The following WWOX variants were observed in gnomAD, a reference collection of about 807,000 sequenced individuals.
WWOX encodes WW domain containing oxidoreductase, also known as WW domain-containing oxidoreductase.
A neutral mutation model predicts 46.2 loss-of-function variants in WWOX; 69 were observed. The ratio of observed to expected loss-of-function variants is 1.49; its 90% CI spans 1.23 to 1.82. The LOEUF (loss-of-function observed/expected upper bound fraction) is 1.82, where lower values mean the gene tolerates loss of function less well. WWOX is among the 40% of genes most tolerant of loss of function. WWOX has a pLI of 0.00. For missense variants in WWOX, 919 were observed against 542.6 expected (o/e 1.69, Z -6.89); for synonymous variants, 359 against 202.6 (o/e 1.77, Z -6.56).
chr16:78,772,746 C>T lies in WWOX; in HGVS notation c.1056+339994C>T, dbSNP rs148603684. Among the ~76,000 whole-genome samples, 172 of 152,194 alleles carry T rather than the reference C, an allele frequency of 1.1e-3. 1 individual carries two copies. The East Asian group carries it at 0.028, about 25-fold the overall frequency. On this transcript the variant is annotated intron_variant, in intron 8 of 8. Coordinates refer to ENST00000566780, the MANE Select transcript of WWOX (RefSeq NM_016373.4). ...AGAACCTAGGTAAGTTGGCTAGGCG[C>T]GGTGGCTCACACCTGTAATCTCAGC...
At chr16:78,711,181 T>A (rs1226734954) in intron 8 of WWOX, among the ~76,000 whole-genome samples, 2 of 152,168 alleles carry the variant, frequency 1.3e-5, no homozygotes, top group East Asian at 3.9e-4. Context: ...GGCCTTTGTA[T>A]AATAGGGAAG....
At chr16:78,554,517 A>G (rs2044244116) in intron 8 of WWOX, among the ~76,000 whole-genome samples, 1 of 152,200 alleles carries the variant, frequency 6.6e-6, no homozygotes, top group Admixed American at 6.5e-5. Context: ...ATATATGCAC[A>G]GTAATAGATA....
intron 8 of WWOX, among the ~76,000 whole-genome samples, chr16:79,113,121 GT>G (rs374113301): frequency 2.4e-3 from 365 of 152,310 alleles, no homozygotes; most frequent in South Asian, 9.3e-3. Flanking sequence ...AAACATATGT[GT>G]GTGTAATTAC....
At chr16:78,699,906 G>A (rs893278200) in intron 8 of WWOX, among the ~76,000 whole-genome samples, 2 of 152,034 alleles carry the variant, frequency 1.3e-5, no homozygotes, top group Non-Finnish European at 2.9e-5. Context: ...GCATTGTCCC[G>A]TCCCTATGAG....
intron 3 of WWOX, among the ~76,000 whole-genome samples, chr16:78,111,362 A>G (rs2032479683): frequency 6.6e-6 from 1 of 152,194 alleles, no homozygotes; most frequent in Non-Finnish European, 1.5e-5. Flanking sequence ...TTAGCTTTTA[A>G]TATTACTCTT....
chr16:78,948,181 C>A (rs1423684986), intron 8 of WWOX, among the ~76,000 whole-genome samples: 1 of 152,154 alleles, frequency 6.6e-6, no homozygotes. Flanking sequence ...CGTGGTTTGT[C>A]AGGACATTTA....
chr16:78,674,121 T>G (rs1567480844), intron 8 of WWOX, among the ~76,000 whole-genome samples: 2 of 152,230 alleles, frequency 1.3e-5, no homozygotes, highest in East Asian at 3.9e-4. Context: ...ATAATTGAAA[T>G]ATTTGGAAAT....
intron 8 of WWOX, among the ~76,000 whole-genome samples, chr16:78,724,954 G>A (rs906284734): frequency 1.5e-4 from 23 of 152,132 alleles, no homozygotes; most frequent in African/African-American, 4.6e-4. Context: ...TTTTACAGGT[G>A]CTTGTTGCAT....
intron 8 of WWOX, among the ~76,000 whole-genome samples, chr16:78,917,605 C>G (rs942425154): frequency 6.6e-6 from 1 of 152,118 alleles, no homozygotes; most frequent in Non-Finnish European, 1.5e-5. Flanking sequence ...TCTTTTGCAG[C>G]TGCAGCCCTT....
chr16:78,758,509 C>A (rs1025556700), intron 8 of WWOX, among the ~76,000 whole-genome samples: 5 of 152,202 alleles, frequency 3.3e-5, no homozygotes, highest in East Asian at 1.9e-4. Flanking sequence ...AAGTGTGTTT[C>A]CCTTTGTAAT....
At position 78,295,713 on chromosome 16, in the gene WWOX, A is replaced by AAAACAAACAAAC. The variant is rs34994613; in HGVS notation, c.517-91123_517-91112dup. On this transcript the variant is annotated intron_variant, in intron 5 of 8. Coordinates refer to ENST00000566780, the MANE Select transcript of WWOX (RefSeq NM_016373.4). ...GTGGCTGAGAAAGACTCAGTCTTAA[A>AAAACAAACAAAC]AAACAAACAAACAAACAAACAAACA... Among the ~76,000 whole-genome samples the AAAACAAACAAAC allele has an allele frequency of 4.0e-3, 608 of 151,372 alleles. 13 individuals carry two copies. The highest frequency in any genetic ancestry group is 0.035 in the Admixed American group (529 of 15,212).
At chr16:78,990,467 C>T (rs554109711) in intron 8 of WWOX, among the ~76,000 whole-genome samples, 1 of 152,092 alleles carries the variant, frequency 6.6e-6, no homozygotes, top group African/African-American at 2.4e-5. Context: ...TACTAAAGGT[C>T]AACAGCTGTG....
intron 5 of WWOX, among the ~76,000 whole-genome samples, chr16:78,370,790 G>T (rs879715885): frequency 0.069 from 67 of 966 alleles, 3 homozygotes; most frequent in Non-Finnish European, 0.12. Flanking sequence ...TTTTTTTTTG[G>T]GGGGGGGGGG....
At chr16:78,715,810 T>C (rs1372146800) in intron 8 of WWOX, among the ~76,000 whole-genome samples, 1 of 152,176 alleles carries the variant, frequency 6.6e-6, no homozygotes, top group African/African-American at 2.4e-5. Flanking sequence ...AAGCAAAAGC[T>C]TTTCTAGAAT....
rs2048558393 is a variant in WWOX at position 78,716,258 on chromosome 16, G to A, written c.1056+283506G>A. 3.3e-5 allele frequency among the ~76,000 whole-genome samples: 5 copies of A among 152,220 alleles called. 2 individuals carry two copies. The highest frequency in any genetic ancestry group is 2.6e-4 in the Admixed American group (4 of 15,278). On this transcript the variant is annotated intron_variant, in intron 8 of 8. Transcript: ENST00000566780. ...ATTGTGCTATCATGAACGGGGGAATGTCTGGGACTGCCAGAAGCTCCTGAA... is the reference window on the plus strand; with the variant it reads ...ATTGTGCTATCATGAACGGGGGAATATCTGGGACTGCCAGAAGCTCCTGAA...
At chr16:78,884,897 A>C (rs1477395726) in intron 8 of WWOX, among the ~76,000 whole-genome samples, 2 of 152,234 alleles carry the variant, frequency 1.3e-5, no homozygotes, top group Non-Finnish European at 2.9e-5. Flanking sequence ...TATAAAGCAC[A>C]ATCAATGCAT....
intron 8 of WWOX, among the ~76,000 whole-genome samples, chr16:78,907,542 C>A (rs2044998023): frequency 6.6e-6 from 1 of 152,124 alleles, no homozygotes. Flanking sequence ...AATATCCCCC[C>A]AAAGTTAGCT....
chr16:78,763,756 C>G (rs139674414), intron 8 of WWOX, among the ~76,000 whole-genome samples: 1 of 152,166 alleles, frequency 6.6e-6, no homozygotes, highest in Non-Finnish European at 1.5e-5. Context: ...CTTCTTTTCA[C>G]CCATCTCATG....
At chr16:79,071,220 A>G (rs2048544397) in intron 8 of WWOX, among the ~76,000 whole-genome samples, 1 of 152,208 alleles carries the variant, frequency 6.6e-6, no homozygotes, top group Non-Finnish European at 1.5e-5. Flanking sequence ...TGAGTCTCAC[A>G]TTGTACTCCT....
Sources: gnomAD v4.1 joint callset for allele counts (sites outside exome capture counted in the v4.1 genomes callset) on GRCh38, gnomAD v4.1.1 for gene constraint, MANE v1.5 for transcripts, NCBI Gene and HGNC (gene_info 2026-07-23, HGNC 2026-07-21) for gene names.